The following SLC44A2 variants were observed in gnomAD, a reference collection of about 807,000 sequenced individuals.
SLC44A2 encodes choline transporter-like protein 2.
SLC44A2 carries 57 observed loss-of-function variants against 90.8 expected under a neutral mutation model. The ratio of observed to expected loss-of-function variants is 0.63; its 90% CI spans 0.51 to 0.78. SLC44A2 has a LOEUF of 0.78. Among genes scored for constraint, SLC44A2 ranks in the 30% least tolerant of loss-of-function variants. The pLI is 0.00. For synonymous variants in SLC44A2, 355 were observed against 360.7 expected, an observed-to-expected ratio of 0.98 and a Z score of 0.18; for missense variants, 794 against 919.7, an observed-to-expected ratio of 0.86 and a Z score of 1.77.
intron 4 of SLC44A2, among the ~76,000 whole-genome samples, chr19:10,628,753 G>A (rs2066961412): frequency 6.6e-6 from 1 of 152,144 alleles, no homozygotes; most frequent in South Asian, 2.1e-4. Context: ...TGAGACAACA[G>A]AGCAAGCATA....
chr19:10,626,437 C>G, intron 2 of SLC44A2, 136 bp downstream of exon 2: 1 of 694,328 alleles, frequency 1.4e-6, no homozygotes, highest in Non-Finnish European at 2.5e-6. Context: ...GAGATGGAGT[C>G]TTGCTCTGTC....
chr19:10,642,001 A>C (rs2067120919), intron 20 of SLC44A2, among the ~76,000 whole-genome samples: 1 of 152,028 alleles, frequency 6.6e-6, no homozygotes, highest in African/African-American at 2.4e-5. Context: ...CTCTACTAAA[A>C]ATACAAAAAT....
intron 7 of SLC44A2, 22 bp from the exon 8 acceptor site, chr19:10,631,603 GT>G: frequency 6.2e-7 from 1 of 1,613,918 alleles, no homozygotes; most frequent in East Asian, 2.2e-5. Context: ...AGCCTGACTG[GT>G]GCCATCCTCT....
Position 10,631,073 on chromosome 19 carries a change from T to C in SLC44A2, c.262T>C (p.Phe88Leu). Residue 88 changes from phenylalanine (F) to leucine (L), a missense_variant, in exon 5 of 22, where the codon TTT becomes CTT. This residue lies in a region of SLC44A2 where 738 missense variants were observed against 841.1 expected (regional missense o/e 0.88). Transcript: ENST00000335757. The part of the protein sequence containing the change: ...GTKNENKPYL[F>L]YFNIVKCASP... Reference sequence around the variant, plus strand: ...TAACTCCAGGAACAAACCCTATCTGTTTTATTTCAACATTGTGAAATGTGC... The same window carrying C: ...TAACTCCAGGAACAAACCCTATCTGCTTTATTTCAACATTGTGAAATGTGC... The C allele has an allele frequency of 3.1e-6, 5 of 1,613,718 alleles. No individual in the cohort carries two copies. The highest frequency in any genetic ancestry group is 3.4e-6 in the Non-Finnish European group (4 of 1,179,902).
In SLC44A2 at chr19:10,610,208, A is replaced by T. The variant is rs545612855; in HGVS notation, c.31+7647A>T. ...TTAAATGGTTGTGAAAAAAGAAAAA[A>T]AAATATATATATATGACAGATGATA... On this transcript the variant is annotated intron_variant, in intron 1 of 21. Coordinates refer to the SLC44A2 transcript ENST00000407327. 3.1e-4 allele frequency among the ~76,000 whole-genome samples: 46 copies of T among 150,472 alleles called. No individual in the cohort carries two copies. The South Asian group carries it at 6.5e-3, about 21-fold the overall frequency.
chr19:10,603,553 G>A (rs1457838605), intron 1 of SLC44A2, among the ~76,000 whole-genome samples: 1 of 152,186 alleles, frequency 6.6e-6, no homozygotes, highest in Non-Finnish European at 1.5e-5. Flanking sequence ...GTGCCTCCCT[G>A]CCCCCAGGGA....
chr19:10,620,787 T>C (rs2066889987), upstream of SLC44A2, among the ~76,000 whole-genome samples: 1 of 152,118 alleles, frequency 6.6e-6, no homozygotes, highest in South Asian at 2.1e-4. Flanking sequence ...CCCAGGGTTT[T>C]GGGAGGCCGA....
chr19:10,609,187 A>AT (rs1918209150), intron 1 of SLC44A2, among the ~76,000 whole-genome samples: 1 of 151,864 alleles, frequency 6.6e-6, no homozygotes, highest in South Asian at 2.1e-4. Flanking sequence ...TGAACTCCTG[A>AT]CCTTGTGATC....
At chr19:10,628,161 T>C (rs967768642) in intron 4 of SLC44A2, among the ~76,000 whole-genome samples, 157 bp downstream of exon 4, 1 of 151,754 alleles carries the variant, frequency 6.6e-6, no homozygotes, top group African/African-American at 2.4e-5. Context: ...GAGGCAGGAA[T>C]ATTGCTTTAG....
chr19:10,641,513 AT>A (rs1167963596), intron 20 of SLC44A2: 73 of 416,076 alleles, frequency 1.8e-4, no homozygotes, highest in Non-Finnish European at 3.2e-4. Context: ...CATAAATTAG[AT>A]TTAAGTCAGG....
intron 1 of SLC44A2, among the ~76,000 whole-genome samples, chr19:10,608,563 A>G (rs1918183009): frequency 6.6e-6 from 1 of 152,018 alleles, no homozygotes; most frequent in Non-Finnish European, 1.5e-5. Flanking sequence ...CCAGATGAGG[A>G]AAAAAGAACA....
At chr19:10,637,412 A>C (rs2067069694) in intron 16 of SLC44A2, 3 of 535,158 alleles carry the variant, frequency 5.6e-6, no homozygotes, top group African/African-American at 1.9e-5. Context: ...GCTGGGATTG[A>C]TGGTACTTTG....
chr19:10,607,763 TGAGACG>T (rs1244900129), intron 1 of SLC44A2, among the ~76,000 whole-genome samples: 2 of 147,712 alleles, frequency 1.4e-5, no homozygotes, highest in East Asian at 4.0e-4. Context: ...TTTTTTTTTT[TGAGACG>T]GAGTCTCACT....
upstream of SLC44A2, among the ~76,000 whole-genome samples, chr19:10,621,448 T>TTTTTTTG (rs2066894742): frequency 6.8e-6 from 1 of 147,982 alleles, no homozygotes; most frequent in African/African-American, 2.5e-5. Context: ...TTTTGGTTTT[T>TTTTTTTG]GTGGGTTTTC....
At chr19:10,624,245 C>G (rs140750735), upstream of SLC44A2, among the ~76,000 whole-genome samples, 5 of 152,238 alleles carry the variant, frequency 3.3e-5, no homozygotes, top group South Asian at 2.1e-4. Context: ...ATCCGCCCAC[C>G]TCGGCCTCCC....
chr19:10,608,826 T>C lies in SLC44A2; in HGVS notation c.31+6265T>C, dbSNP rs1260498179. Among the ~76,000 whole-genome samples, 7 of 151,828 alleles carry C rather than the reference T, an allele frequency of 4.6e-5. No homozygotes were observed. The East Asian group carries it at 1.3e-3, about 29-fold the overall frequency. On this transcript the variant is annotated intron_variant, in intron 1 of 21. Transcript: ENST00000407327. ...TTACCGTGCCCGATTAATTTTTGTA[T>C]TTTTTGTAGAGATTGGGTTTTGTCA...
At chr19:10,634,704 T>C in intron 10 of SLC44A2, 52 bp from the exon 11 acceptor site, 1 of 1,610,634 alleles carries the variant, frequency 6.2e-7, no homozygotes, top group South Asian at 1.1e-5. Flanking sequence ...GTAGCTGCTT[T>C]GCAAAGTTGC....
chr19:10,619,447 G>T (rs867566635), intron 1 of SLC44A2, among the ~76,000 whole-genome samples: 30 of 132,532 alleles, frequency 2.3e-4, no homozygotes, highest in Admixed American at 5.4e-4. Context: ...AAAAAAAAGT[G>T]TTTTTTTTTT....
At chr19:10,602,478 G>C (rs889212815), upstream of SLC44A2, 1 of 1,179,092 alleles carries the variant, frequency 8.5e-7, no homozygotes, top group African/African-American at 1.6e-5. Flanking sequence ...CCTCCCGCCC[G>C]CCCGGGCTGG....
Sources: allele counts gnomAD v4.1 joint callset (sites outside exome capture counted in the v4.1 genomes callset), GRCh38; gene constraint gnomAD v4.1.1; regional missense constraint gnomAD v4.1.1; transcripts MANE v1.5; gene names NCBI Gene and HGNC (gene_info 2026-07-23, HGNC 2026-07-21).